The following RYR1 variants were observed in gnomAD, a reference collection of about 807,000 sequenced individuals.
RYR1 encodes the protein ryanodine receptor 1.
A neutral mutation model predicts 583.5 loss-of-function variants in RYR1; 342 were observed. The ratio of observed to expected loss-of-function variants is 0.59; its 90% CI spans 0.54 to 0.64. The LOEUF (loss-of-function observed/expected upper bound fraction) is 0.64, where lower values mean the gene tolerates loss of function less well. Among genes scored for constraint, RYR1 ranks in the 30% least tolerant of loss-of-function variants. The probability of loss-of-function intolerance (pLI) is 0.00; values close to 1 mark genes in which losing one functional copy is unlikely to be tolerated. For missense variants in RYR1, 6,032 were observed against 6,917.2 expected (o/e 0.87, Z 4.54); for synonymous variants, 2,791 against 2,822.5 (o/e 0.99, Z 0.35).
chr19:38,474,698 T>G (rs2145489267), intron 28 of RYR1, among the ~76,000 whole-genome samples: 1 of 149,354 alleles, frequency 6.7e-6, no homozygotes, highest in East Asian at 2.0e-4. Context: ...CCTCAGCCTC[T>G]TGAGTATCTG....
intron 101 of RYR1, among the ~76,000 whole-genome samples, chr19:38,583,196 C>G (rs1230502341): frequency 6.6e-6 from 1 of 151,346 alleles, no homozygotes; most frequent in African/African-American, 2.4e-5. Flanking sequence ...ACCTGGGAGG[C>G]TGAGGCAGGA....
chr19:38,519,741 C>T (rs193230940), intron 67 of RYR1, among the ~76,000 whole-genome samples: 13 of 150,866 alleles, frequency 8.6e-5, no homozygotes, highest in South Asian at 2.1e-4. Context: ...TGCAGTGGCG[C>T]GATCTCGGCT....
intron 93 of RYR1, 75 bp from the exon 94 acceptor site, chr19:38,570,532 G>T: frequency 9.2e-7 from 1 of 1,082,052 alleles, no homozygotes; most frequent in Non-Finnish European, 1.4e-6. Flanking sequence ...TTGATTGCAG[G>T]TAAATGATGG....
intron 1 of RYR1, among the ~76,000 whole-genome samples, chr19:38,438,351 C>G (rs1972515388): frequency 6.6e-6 from 1 of 151,502 alleles, no homozygotes; most frequent in South Asian, 2.1e-4. Flanking sequence ...TATTCCCTGT[C>G]TCCACCATGA....
At chr19:38,435,597 G>A (rs904870097) in intron 1 of RYR1, among the ~76,000 whole-genome samples, 7 of 152,050 alleles carry the variant, frequency 4.6e-5, no homozygotes, top group Non-Finnish European at 8.8e-5. Flanking sequence ...TTAGCCAGGC[G>A]TGGTGGTGCA....
At chr19:38,446,665 C>G in intron 8 of RYR1, 29 bp from the exon 9 acceptor site, 1 of 1,611,506 alleles carries the variant, frequency 6.2e-7, no homozygotes, top group Admixed American at 1.7e-5. Context: ...GAGCTGAACC[C>G]TTGACTTCAC....
intron 39 of RYR1, 61 bp downstream of exon 39, chr19:38,494,686 A>C: frequency 6.3e-7 from 1 of 1,596,012 alleles, no homozygotes; most frequent in South Asian, 1.1e-5. Context: ...TACCCTCAGG[A>C]TACAATAACA....
chr19:38,459,225 C>T lies in RYR1; in HGVS notation c.2247C>T (p.Leu749=). The T allele has an allele frequency of 6.2e-7, 1 of 1,614,208 alleles. No individual in the cohort carries two copies. The highest frequency in any genetic ancestry group is 1.1e-5 in the South Asian group (1 of 91,086). Reference sequence around the variant, plus strand: ...ACGTGATCAGCTGCTGCCTGGACCTCAGCGTGCCGTCCATCTCCTTCCGCA... The same window carrying T: ...ACGTGATCAGCTGCTGCCTGGACCTTAGCGTGCCGTCCATCTCCTTCCGCA... ...PEDVISCCLD[L]SVPSISFRIN... is the part of the protein sequence containing the mutation. The change falls in exon 19 of 106, where the codon CTC becomes CTT. Residue 749 remains leucine, a synonymous_variant. Transcript: ENST00000359596.
intron 87 of RYR1, among the ~76,000 whole-genome samples, chr19:38,545,929 T>G (rs17722095): frequency 6.6e-6 from 1 of 152,172 alleles, no homozygotes; most frequent in African/African-American, 2.4e-5. Context: ...GAGGTTTCTA[T>G]GGGCCCTACA....
At chr19:38,544,670 T>C (rs1972348158) in intron 87 of RYR1, among the ~76,000 whole-genome samples, 1 of 152,200 alleles carries the variant, frequency 6.6e-6, no homozygotes, top group Non-Finnish European at 1.5e-5. Flanking sequence ...GAAACCCTAA[T>C]TCGTTGTCAT....
Position 38,444,668 on chromosome 19 carries a change from T to C in RYR1, c.622T>C (p.Cys208Arg). The change falls in exon 7 of 106, where the codon TGC becomes CGC. Residue 208 changes from cysteine (C) to arginine (R), a missense_variant. Around this residue, in one of 11 missense-constraint regions of RYR1, gnomAD observed 338 missense variants for 441.6 expected, o/e 0.77. Coordinates refer to ENST00000359596, the MANE Select transcript of RYR1 (RefSeq NM_000540.3). This position sits in a 1 kb window ranked among gnomAD's most constrained non-coding sequence, Gnocchi z 5.1. Reference sequence around the variant, plus strand: ...GAACATGAACCCCATCTGCTCCCGCTGCGAAGAGGGTGAGGGCCCCAGACC... The same window carrying C: ...GAACATGAACCCCATCTGCTCCCGCCGCGAAGAGGGTGAGGGCCCCAGACC... Reference protein sequence around the residue: ...LWNMNPICSRCEEGFVTGGHV... With the variant: ...LWNMNPICSRREEGFVTGGHV... 1 of 1,613,224 alleles carries C rather than the reference T, an allele frequency of 6.2e-7. No homozygotes were observed. Among genetic ancestry groups the C allele is most frequent in the Non-Finnish European group, 8.5e-7 (1 of 1,179,550 alleles).
Position 38,459,266 on chromosome 19 carries a change from T to A in RYR1, c.2288T>A (p.Val763Glu). 2.5e-6 allele frequency: 4 copies of A among 1,614,114 alleles called. No individual in the cohort carries two copies. The highest frequency in any genetic ancestry group is 3.4e-6 in the Non-Finnish European group (4 of 1,180,010). The change falls in exon 19 of 106, where the codon GTG (valine) becomes GAG (glutamate). Residue 763 changes from valine (V) to glutamate (E), a missense_variant. Transcript: ENST00000359596. ...TCCTTCCGCATCAACGGCTGCCCCG[T>A]GCAGGGTGTCTTTGAGTCCTTCAAC... is the stretch of plus-strand genomic sequence containing the variant. Reference protein sequence around the residue: ...SISFRINGCPVQGVFESFNLD... With the variant: ...SISFRINGCPEQGVFESFNLD...
Position 38,442,345 on chromosome 19 carries a change from C to T in RYR1, c.166-4C>T, listed in dbSNP as rs771164679. On this transcript the variant is annotated splice_region_variant and splice_polypyrimidine_tract_variant and intron_variant, in intron 2 of 105. Transcript: ENST00000359596. ...CCCTCACTTACATCCCCCTCCCACC[C>T]CAGAATGTGCCCCCCGATCTGGCCA... 2.3e-5 allele frequency: 37 copies of T among 1,609,220 alleles called. No individual in the cohort carries two copies. The highest frequency in any genetic ancestry group is 1.7e-4 in the Admixed American group (10 of 59,962).
At chr19:38,469,168 C>G (rs1426797877) in intron 26 of RYR1, 28 bp downstream of exon 26, 1 of 1,613,870 alleles carries the variant, frequency 6.2e-7, no homozygotes, top group South Asian at 1.1e-5. Flanking sequence ...TTCACATGCC[C>G]TTTCTTGTTT....
intron 58 of RYR1, 65 bp from the exon 59 acceptor site, chr19:38,510,433 C>A: frequency 1.3e-6 from 2 of 1,533,022 alleles, no homozygotes; most frequent in Non-Finnish European, 1.8e-6. Flanking sequence ...AGCATCCTTC[C>A]CATCAGAACA....
At chr19:38,577,324 A>C (rs1974003323) in intron 97 of RYR1, among the ~76,000 whole-genome samples, 1 of 152,160 alleles carries the variant, frequency 6.6e-6, no homozygotes, top group Non-Finnish European at 1.5e-5. Flanking sequence ...AGAACACTAG[A>C]TATGTTGGCT....
chr19:38,444,494 G>T lies in RYR1; in HGVS notation c.538-90G>T. The T allele has an allele frequency of 8.6e-7, 1 of 1,158,296 alleles. No homozygotes were observed. The allele number at this position is 1,158,296 out of a possible 1,614,324, so 71.8% of individuals were successfully genotyped here. ...TCTGTCTCCCATCTGCCGGTTTCCG[G>T]GTATCCACCCTTGATTTCTGGCCTC... is the stretch of plus-strand genomic sequence containing the variant. On this transcript the variant is annotated intron_variant, in intron 6 of 105. Coordinates refer to ENST00000359596, the MANE Select transcript of RYR1 (RefSeq NM_000540.3). This position sits in a 1 kb window ranked among gnomAD's most constrained non-coding sequence, Gnocchi z 5.1.
chr19:38,444,565 G>GCATCCTGC lies in RYR1; in HGVS notation c.538-12_538-11insCCATCCTG, dbSNP rs770511054. 2 of 1,608,248 alleles carry GCATCCTGC rather than the reference G, an allele frequency of 1.2e-6. No homozygotes were observed. Among genetic ancestry groups the GCATCCTGC allele is most frequent in the South Asian group, 2.2e-5 (2 of 90,516 alleles). ...ACCCCTGCAATCGTCTCTGACTGCC[G>GCATCCTGC]CATCCTGGTGGCCCCCAGCACCTGT... On this transcript the variant is annotated intron_variant, in intron 6 of 105. Transcript: ENST00000359596. This position sits in a 1 kb window ranked among gnomAD's most constrained non-coding sequence, Gnocchi z 5.1.
Position 38,502,531 on chromosome 19 carries a change from G to A in RYR1, c.7639G>A (p.Ala2547Thr), listed in dbSNP as rs374340182. 6.2e-7 allele frequency: 1 copy of A among 1,609,222 alleles called. No homozygotes were observed. The highest frequency in any genetic ancestry group is 8.5e-7 in the Non-Finnish European group (1 of 1,179,768). Residue 2547 changes from alanine (A) to threonine (T), a missense_variant, in exon 48 of 106, where the codon GCG (alanine) becomes ACG (threonine). Ala to Thr is a moderately conservative substitution (Grantham distance 58). Coordinates refer to ENST00000359596, the MANE Select transcript of RYR1 (RefSeq NM_000540.3). ...DTATFSTTEM[A>T]LALNRYLCLA... ...GGCCACTTTCAGCACCACCGAGATG[G>A]CGCTGGCGCTGAACCGCTACCTGTG...
Sources: allele counts gnomAD v4.1 joint callset (sites outside exome capture counted in the v4.1 genomes callset), GRCh38; gene constraint gnomAD v4.1.1; regional missense constraint gnomAD v4.1.1; non-coding constraint Gnocchi (gnomAD v3.1); transcripts MANE v1.5; gene names NCBI Gene and HGNC (gene_info 2026-07-23, HGNC 2026-07-21).